The following SGCZ variants were observed in gnomAD, a reference collection of about 807,000 sequenced individuals.
SGCZ encodes the protein sarcoglycan zeta.
In SGCZ, 40 loss-of-function variants were observed where a neutral mutation model predicts 41.3. The observed-to-expected ratio is 0.97, with a 90% CI of 0.75 to 1.26. The LOEUF is 1.26. Among genes scored for constraint, SGCZ ranks in the 50% most tolerant of loss-of-function variants. The pLI, the probability that SGCZ is intolerant of heterozygous loss-of-function variation, is 0.00. For synonymous variants in SGCZ, 206 were observed against 137.5 expected, an observed-to-expected ratio of 1.50 and a Z score of -3.49; for missense variants, 552 against 369.8, an observed-to-expected ratio of 1.49 and a Z score of -4.04.
chr8:14,091,699 G>A (rs1801693559), intron 7 of SGCZ, among the ~76,000 whole-genome samples: 1 of 151,926 alleles, frequency 6.6e-6, no homozygotes, highest in African/African-American at 2.4e-5. Context: ...AAATTTGTTT[G>A]TTTAAGTTCT....
chr8:14,889,152 T>A lies in SGCZ; in HGVS notation c.40-334226A>T, dbSNP rs571738115. On this transcript the variant is annotated intron_variant, in intron 1 of 7. Transcript: ENST00000382080. ...TTAAACCATTTAATTTCCTACCACC[T>A]CTGATTCAGTGAAAAAATGGCAACA... is the stretch of plus-strand genomic sequence containing the variant. 2.6e-5 allele frequency among the ~76,000 whole-genome samples: 4 copies of A among 152,220 alleles called. No individual in the cohort carries two copies. The South Asian group carries it at 8.3e-4, about 32-fold the overall frequency.
At chr8:14,632,276 G>A (rs1806683343) in intron 1 of SGCZ, among the ~76,000 whole-genome samples, 1 of 152,020 alleles carries the variant, frequency 6.6e-6, no homozygotes, top group Admixed American at 6.6e-5. Flanking sequence ...TCCCACATCA[G>A]CCTCCCAAAG....
chr8:14,480,926 T>A (rs997597760), intron 2 of SGCZ, among the ~76,000 whole-genome samples: 17 of 152,178 alleles, frequency 1.1e-4, no homozygotes, highest in African/African-American at 4.1e-4. Context: ...AACATTCTTA[T>A]AAAAGACTTG....
chr8:14,836,564 T>C (rs1282780725), intron 1 of SGCZ, among the ~76,000 whole-genome samples: 1 of 152,180 alleles, frequency 6.6e-6, no homozygotes, highest in Non-Finnish European at 1.5e-5. Context: ...AGTGGCATGA[T>C]CTTGGCTCAC....
chr8:14,606,519 C>T (rs1166589592), intron 1 of SGCZ, among the ~76,000 whole-genome samples: 1 of 152,174 alleles, frequency 6.6e-6, no homozygotes, highest in Non-Finnish European at 1.5e-5. Context: ...CTGGTATCCA[C>T]CTAAATGGCA....
At chr8:14,440,110 A>C (rs1800204641) in intron 2 of SGCZ, among the ~76,000 whole-genome samples, 1 of 152,064 alleles carries the variant, frequency 6.6e-6, no homozygotes, top group African/African-American at 2.4e-5. Flanking sequence ...GTGAATGTAT[A>C]TTACTTTATT....
chr8:15,237,259 C>CCCG (rs1554483251), intron 1 of SGCZ, among the ~76,000 whole-genome samples: 2 of 151,980 alleles, frequency 1.3e-5, no homozygotes, highest in Non-Finnish European at 2.9e-5. Flanking sequence ...GCTGCCCCCC[C>CCCG]CGGGGAGACG....
intron 2 of SGCZ, among the ~76,000 whole-genome samples, chr8:14,473,780 AC>A (rs1801279121): frequency 1.3e-5 from 2 of 152,030 alleles, no homozygotes; most frequent in Admixed American, 1.3e-4. Flanking sequence ...TACTAAAAAT[AC>A]AAAAAAATTA....
intron 2 of SGCZ, among the ~76,000 whole-genome samples, chr8:14,356,859 T>C (rs1189956023): frequency 6.6e-6 from 1 of 152,088 alleles, no homozygotes; most frequent in African/African-American, 2.4e-5. Flanking sequence ...TTTTTTCTAA[T>C]TGCAATTTGT....
intron 2 of SGCZ, among the ~76,000 whole-genome samples, chr8:14,451,956 G>C (rs561580352): frequency 6.6e-6 from 1 of 152,102 alleles, no homozygotes; most frequent in African/African-American, 2.4e-5. Flanking sequence ...GTCAGTTTAC[G>C]ATCCAGCAAT....
In SGCZ at chr8:14,660,863, T is replaced by C. The variant is rs575662675; in HGVS notation, c.40-105937A>G. The stretch of plus-strand genomic sequence containing the variant: ...TTTGTTTATATTGCTTTGTTCTAAC[T>C]GGAAACTGAACTTTTATATAGAGGT... On this transcript the variant is annotated intron_variant, in intron 1 of 7. Transcript: ENST00000382080. Among the ~76,000 whole-genome samples, 247 of 152,266 alleles carry C rather than the reference T, an allele frequency of 1.6e-3. 2 individuals carry two copies. Among genetic ancestry groups the C allele is most frequent in the African/African-American group, 5.7e-3 (238 of 41,570 alleles).
rs529007757 is a variant in SGCZ at position 14,964,879 on chromosome 8, G to T, written c.39+272706C>A. Among the ~76,000 whole-genome samples the T allele has an allele frequency of 7.2e-5, 11 of 152,194 alleles. 1 individual carries two copies. The South Asian group carries it at 2.1e-3, about 29-fold the overall frequency. On this transcript the variant is annotated intron_variant, in intron 1 of 7. Coordinates refer to ENST00000382080, the MANE Select transcript of SGCZ (RefSeq NM_139167.4). Reference sequence around the variant, plus strand: ...AGGAAGCTATGCAGGTTATGTGGGCGCTTCTACTGGACATCATTTAGCATC... The same window carrying T: ...AGGAAGCTATGCAGGTTATGTGGGCTCTTCTACTGGACATCATTTAGCATC...
At chr8:14,812,252 C>T (rs1801758767) in intron 1 of SGCZ, among the ~76,000 whole-genome samples, 1 of 151,584 alleles carries the variant, frequency 6.6e-6, no homozygotes, top group Non-Finnish European at 1.5e-5. Flanking sequence ...TTTATTTTTT[C>T]CAACATTCAC....
chr8:14,470,996 C>A (rs1461375100), intron 2 of SGCZ, among the ~76,000 whole-genome samples: 2 of 152,094 alleles, frequency 1.3e-5, no homozygotes, highest in African/African-American at 2.4e-5. Flanking sequence ...CCTAAGTTAA[C>A]TGAAGGAGTG....
intron 1 of SGCZ, among the ~76,000 whole-genome samples, chr8:14,999,798 G>A (rs1274710662): frequency 6.6e-6 from 1 of 152,124 alleles, no homozygotes; most frequent in Non-Finnish European, 1.5e-5. Context: ...AAAGTAATGG[G>A]GAAGTAACCT....
chr8:14,730,808 T>C (rs1810213128), intron 1 of SGCZ, among the ~76,000 whole-genome samples: 1 of 151,864 alleles, frequency 6.6e-6, no homozygotes, highest in Non-Finnish European at 1.5e-5. Context: ...TAATTACATT[T>C]TGCAATGAAC....
intron 1 of SGCZ, among the ~76,000 whole-genome samples, chr8:15,114,756 G>GTT (rs1182595043): frequency 2.3e-4 from 32 of 139,012 alleles, no homozygotes; most frequent in Non-Finnish European, 3.6e-4. Context: ...TTTTCTTTTT[G>GTT]TTTTTTTTTT....
intron 2 of SGCZ, among the ~76,000 whole-genome samples, chr8:14,408,817 C>T (rs1227638493): frequency 6.6e-6 from 1 of 152,116 alleles, no homozygotes; most frequent in Non-Finnish European, 1.5e-5. Context: ...TTGGCTAATA[C>T]TTTCCTGGTT....
rs189383368 is a variant in SGCZ, at chr8:14,175,818, T to C, written c.425-11116A>G. ...CTGGATATAAAACCAAATCCAATCA[T>C]TGGTAGTTTATATCACACAAGACTA... On this transcript the variant is annotated intron_variant, in intron 4 of 7. Transcript: ENST00000382080. Among the ~76,000 whole-genome samples the C allele has an allele frequency of 9.8e-4, 149 of 152,186 alleles. 2 individuals carry two copies. The highest frequency in any genetic ancestry group is 3.7e-3 in the Admixed American group (57 of 15,292).
Sources: gnomAD v4.1 joint callset for allele counts (sites outside exome capture counted in the v4.1 genomes callset) on GRCh38, gnomAD v4.1.1 for gene constraint, MANE v1.5 for transcripts, NCBI Gene and HGNC (gene_info 2026-07-23, HGNC 2026-07-21) for gene names.